Variants in ZNF366 observed in about 807,000 individuals in gnomAD.
ZNF366 encodes dendritic cell-specific transcript protein.
Under a neutral mutation model 47.2 loss-of-function variants are expected in ZNF366, and 20 were observed. The ratio of observed to expected loss-of-function variants is 0.42; its 90% CI spans 0.30 to 0.62. The LOEUF is 0.62. Ranked by LOEUF, ZNF366 falls within the 20% of genes least tolerant of loss-of-function variation. The probability of loss-of-function intolerance (pLI) is 0.16; values close to 1 mark genes in which losing one functional copy is unlikely to be tolerated. For missense variants in ZNF366, 987 were observed against 976.3 expected (o/e 1.01, Z -0.15); for synonymous variants, 421 against 395.1 (o/e 1.07, Z -0.78).
At chr5:72,488,777 T>C (rs1216655096) in intron 1 of ZNF366, among the ~76,000 whole-genome samples, 1 of 152,196 alleles carries the variant, frequency 6.6e-6, no homozygotes, top group Admixed American at 6.5e-5. Flanking sequence ...GTATGGAACA[T>C]GCTTGTGAAA....
At chr5:72,502,337 C>G (rs923791139) in intron 1 of ZNF366, among the ~76,000 whole-genome samples, 8 of 152,134 alleles carry the variant, frequency 5.3e-5, no homozygotes, top group Non-Finnish European at 8.8e-5. Flanking sequence ...TTTGAATAGT[C>G]TAAAAGAACA....
At chr5:72,504,058 C>T (rs10051489) in intron 1 of ZNF366, among the ~76,000 whole-genome samples, 26,477 of 151,854 alleles carry the variant, frequency 0.17, 2,556 homozygotes, top group East Asian at 0.38. Flanking sequence ...CACACACGCA[C>T]GCACACACGC....
chr5:72,463,773 C>T (rs1326481798), intron 1 of ZNF366, among the ~76,000 whole-genome samples: 2 of 152,184 alleles, frequency 1.3e-5, no homozygotes, highest in African/African-American at 2.4e-5. Context: ...ACTAAATCAT[C>T]TCTTAGCTTG....
intron 1 of ZNF366, among the ~76,000 whole-genome samples, chr5:72,486,422 C>G (rs1743893095): frequency 6.6e-6 from 1 of 152,112 alleles, no homozygotes; most frequent in African/African-American, 2.4e-5. Flanking sequence ...ACTGTGAGGC[C>G]CAAGGAAACA....
rs568261376 is a variant in ZNF366, at chr5:72,478,446, T to A, written c.-14-16936A>T. Among the ~76,000 whole-genome samples, 147 of 152,328 alleles carry A rather than the reference T, an allele frequency of 9.7e-4. 1 individual carries two copies. Among genetic ancestry groups the A allele is most frequent in the African/African-American group, 3.3e-3 (138 of 41,574 alleles). On this transcript the variant is annotated intron_variant, in intron 1 of 4. Coordinates refer to ENST00000318442, the MANE Select transcript of ZNF366 (RefSeq NM_152625.3). ...AAGCATAGAAAGGAACTGGCTTGCC[T>A]GAGGTGAGGGAGTGAGTAAGTGGCT...
intron 1 of ZNF366, among the ~76,000 whole-genome samples, chr5:72,466,659 G>A: frequency 6.6e-6 from 1 of 152,124 alleles, no homozygotes; most frequent in East Asian, 1.9e-4. Flanking sequence ...AGAAGAAATG[G>A]GTGGTTCTTG....
At chr5:72,476,386 A>T (rs563847261) in intron 1 of ZNF366, among the ~76,000 whole-genome samples, 51 of 152,250 alleles carry the variant, frequency 3.3e-4, no homozygotes, top group African/African-American at 1.2e-3. Flanking sequence ...TAGGCTGAAA[A>T]GTACTGTAGG....
Position 72,443,576 on chromosome 5 carries a change from C to G in ZNF366, c.*180G>C. On this transcript the variant is annotated 3_prime_UTR_variant, in exon 5 of 5. Coordinates refer to ENST00000318442, the MANE Select transcript of ZNF366 (RefSeq NM_152625.3). The stretch of plus-strand genomic sequence containing the variant: ...GACCCTGCACATGTGTGAAGGGTAT[C>G]AAGGGCCCCGTGAATGACCTGAGAA... 1.5e-6 allele frequency: 1 copy of G among 657,632 alleles called. No homozygotes were observed. The highest frequency in any genetic ancestry group is 2.0e-5 in the South Asian group (1 of 49,522). The allele number at this position is 657,632 out of a possible 1,614,324, so 40.7% of individuals were successfully genotyped here. A position where few individuals can be genotyped will look rare whatever the true frequency, so the allele number is the denominator to read the frequency against.
At chr5:72,492,932 T>C (rs1279823352) in intron 1 of ZNF366, among the ~76,000 whole-genome samples, 1 of 152,194 alleles carries the variant, frequency 6.6e-6, no homozygotes, top group Non-Finnish European at 1.5e-5. Context: ...CATGTTGTGA[T>C]ACATCTAGCA....
At chr5:72,489,151 G>C (rs987672912) in intron 1 of ZNF366, among the ~76,000 whole-genome samples, 5 of 151,994 alleles carry the variant, frequency 3.3e-5, no homozygotes, top group Admixed American at 1.3e-4. Context: ...CAAGGTGGGT[G>C]GATCACTTGA....
chr5:72,449,800 T>C (rs746968593), intron 3 of ZNF366, among the ~76,000 whole-genome samples: 1 of 152,208 alleles, frequency 6.6e-6, no homozygotes, highest in Non-Finnish European at 1.5e-5. Flanking sequence ...TCAGTAAGCA[T>C]CTGCTGAGTG....
At chr5:72,446,920 A>C (rs1458571604) in intron 4 of ZNF366, among the ~76,000 whole-genome samples, 1 of 152,194 alleles carries the variant, frequency 6.6e-6, no homozygotes, top group Non-Finnish European at 1.5e-5. Flanking sequence ...CCCCCGCTGT[A>C]AAATAGAAAT....
chr5:72,441,244 A>C lies in ZNF366; in HGVS notation c.*2512T>G, dbSNP rs920854571. ...TTCCTGGTTTCCATTCCAGCCAGGC[A>C]TACTCAGAACCAAACGGCATTCTAC... is the stretch of plus-strand genomic sequence containing the variant. On this transcript the variant is annotated 3_prime_UTR_variant, in exon 5 of 5. Transcript: ENST00000318442. 1.3e-5 allele frequency: 2 copies of C among 152,214 alleles called. No individual in the cohort carries two copies. The highest frequency in any genetic ancestry group is 4.8e-5 in the African/African-American group (2 of 41,442). The allele number at this position is 152,214 out of a possible 1,614,324, so 9.4% of individuals were successfully genotyped here.
intron 1 of ZNF366, among the ~76,000 whole-genome samples, chr5:72,496,646 T>A (rs1245189609): frequency 1.3e-5 from 2 of 152,218 alleles, no homozygotes; most frequent in Non-Finnish European, 2.9e-5. Context: ...TTGAGAGTAG[T>A]TACCCAGGAG....
At chr5:72,506,553 G>A (rs576809383) in intron 1 of ZNF366, among the ~76,000 whole-genome samples, 2 of 152,204 alleles carry the variant, frequency 1.3e-5, no homozygotes, top group African/African-American at 4.8e-5. Context: ...CATTCTAGCT[G>A]CATATTGTTT....
At chr5:72,463,464 G>A (rs143738614) in intron 1 of ZNF366, among the ~76,000 whole-genome samples, 1 of 152,170 alleles carries the variant, frequency 6.6e-6, no homozygotes, top group Admixed American at 6.5e-5. Context: ...CTTTCTTACC[G>A]TGGGTTTGGG....
chr5:72,458,804 A>G (rs1430115568), intron 2 of ZNF366, among the ~76,000 whole-genome samples: 1 of 152,160 alleles, frequency 6.6e-6, no homozygotes, highest in African/African-American at 2.4e-5. Context: ...GTTTGCTGAC[A>G]CCTCTCATTA....
At chr5:72,481,252 A>G (rs774850125) in intron 1 of ZNF366, among the ~76,000 whole-genome samples, 113 of 152,322 alleles carry the variant, frequency 7.4e-4, no homozygotes, top group Non-Finnish European at 1.4e-3. Context: ...ACAATTCTAT[A>G]TAATTTATTT....
At position 72,455,087 on chromosome 5, in the gene ZNF366, G is replaced by A. The variant is rs533549229; in HGVS notation, c.1524+1317C>T. Among the ~76,000 whole-genome samples, 277 of 152,264 alleles carry A rather than the reference G, an allele frequency of 1.8e-3. 1 individual carries two copies. The highest frequency in any genetic ancestry group is 3.1e-3 in the Non-Finnish European group (212 of 68,026). The stretch of plus-strand genomic sequence containing the variant: ...CATGAAGCTGATTCTTGCTTTAGAC[G>A]GATGTAAATTGACTTTCGAACCACT... On this transcript the variant is annotated intron_variant, in intron 3 of 4. Coordinates refer to ENST00000318442, the MANE Select transcript of ZNF366 (RefSeq NM_152625.3).
Sources: allele counts gnomAD v4.1 joint callset (sites outside exome capture counted in the v4.1 genomes callset), GRCh38; gene constraint gnomAD v4.1.1; transcripts MANE v1.5; gene names NCBI Gene and HGNC (gene_info 2026-07-23, HGNC 2026-07-21).